Variants in NAA35 observed in about 807,000 individuals in gnomAD.
NAA35 encodes MAK10 homolog, amino-acid N-acetyltransferase subunit.
Under a neutral mutation model 101.7 loss-of-function variants are expected in NAA35, and 18 were observed. The observed-to-expected ratio is 0.18, with a 90% CI of 0.12 to 0.26. The LOEUF (loss-of-function observed/expected upper bound fraction) is 0.26. Ranked by LOEUF, NAA35 falls within the 10% of genes least tolerant of loss-of-function variation. The pLI is 1.00. For missense variants in NAA35, 601 were observed against 886.8 expected (o/e 0.68, Z 4.09); for synonymous variants, 267 against 273.1 (o/e 0.98, Z 0.22).
At chr9:85,990,813 T>G (rs899243438) in intron 11 of NAA35, among the ~76,000 whole-genome samples, 1 of 152,136 alleles carries the variant, frequency 6.6e-6, no homozygotes, top group Non-Finnish European at 1.5e-5. Flanking sequence ...GTTGTAACCA[T>G]GTGGGTAGGT....
At chr9:85,986,517 G>A (rs1253672323) in intron 11 of NAA35, 2 of 460,542 alleles carry the variant, frequency 4.3e-6, no homozygotes, top group South Asian at 3.1e-5. Flanking sequence ...CAGAGATAAT[G>A]TGTAAAACTG....
At position 85,962,036 on chromosome 9, in the gene NAA35, A is replaced by G. The variant is rs1249323860; in HGVS notation, c.372A>G (p.Ser124=). The stretch of plus-strand genomic sequence containing the variant: ...AGATAACGTGGTTAGAAGGCCATTC[A>G]CTGGCACAGACAGTATTTACGTGCC... The part of the protein sequence containing the change: ...CCLITWLEGH[S]LAQTVFTCLY... Residue 124 remains serine, a synonymous_variant, in exon 6 of 23, where the codon TCA becomes TCG. Coordinates refer to ENST00000361671, the MANE Select transcript of NAA35 (RefSeq NM_024635.4). 1 of 1,609,470 alleles carries G rather than the reference A, an allele frequency of 6.2e-7. No individual in the cohort carries two copies. The highest frequency in any genetic ancestry group is 1.1e-5 in the South Asian group (1 of 89,970).
At position 86,020,859 on chromosome 9, in the gene NAA35, T is replaced by C. The variant is rs765950328; in HGVS notation, c.2038-30T>C. On this transcript the variant is annotated intron_variant, in intron 21 of 22. Transcript: ENST00000361671. ...AGAGAAATTTTGACTATGAAGTTAA[T>C]GTTTCAGTAGTTTTATGTTCATGTT... 7.2e-6 allele frequency: 11 copies of C among 1,532,514 alleles called. No homozygotes were observed. In the East Asian group the frequency reaches 2.3e-4, roughly 31 times the overall value. The allele number at this position is 1,532,514 out of a possible 1,614,324, so 94.9% of individuals were successfully genotyped here. A position where few individuals can be genotyped will look rare whatever the true frequency, so the allele number is the denominator to read the frequency against.
In NAA35 at chr9:85,982,379, G is replaced by A. The variant is rs11141167; in HGVS notation, c.877+3998G>A. 6.4e-3 allele frequency among the ~76,000 whole-genome samples: 970 copies of A among 152,240 alleles called. 5 individuals carry two copies. The highest frequency in any genetic ancestry group is 0.011 in the Non-Finnish European group (740 of 68,000). On this transcript the variant is annotated intron_variant, in intron 11 of 22. Transcript: ENST00000361671. Reference sequence around the variant, plus strand: ...GAAACTGATGTTTTTCTTTGTTTTTGCTTATGCTGTCTTGAATTTTACAGT... The same window carrying A: ...GAAACTGATGTTTTTCTTTGTTTTTACTTATGCTGTCTTGAATTTTACAGT...
At chr9:86,018,877 T>TTAC in intron 21 of NAA35, 56 bp downstream of exon 21, 1 of 1,584,042 alleles carries the variant, frequency 6.3e-7, no homozygotes, top group Non-Finnish European at 8.6e-7. Flanking sequence ...AATACATCTC[T>TTAC]TACTGCTGGA....
intron 17 of NAA35, 53 bp from the exon 18 acceptor site, chr9:86,016,486 A>T: frequency 6.6e-7 from 1 of 1,522,624 alleles, no homozygotes; most frequent in South Asian, 1.2e-5. Flanking sequence ...ATGTGTTGAT[A>T]AAGCTGTCTC....
At position 85,943,046 on chromosome 9, in the gene NAA35, T is replaced by C. The variant is rs541428396; in HGVS notation, c.124+763T>C. Among the ~76,000 whole-genome samples, 3 of 152,324 alleles carry C rather than the reference T, an allele frequency of 2.0e-5. No homozygotes were observed. The South Asian group carries it at 6.2e-4, about 32-fold the overall frequency. The stretch of plus-strand genomic sequence containing the variant: ...CTTGTTTATTTTCAGTCTCACTCAC[T>C]GGAATATAAGCTCCGTGGGGGCAGA... On this transcript the variant is annotated intron_variant, in intron 2 of 22. Coordinates refer to ENST00000361671, the MANE Select transcript of NAA35 (RefSeq NM_024635.4).
At chr9:85,961,357 C>T (rs561061424) in intron 5 of NAA35, among the ~76,000 whole-genome samples, 81 of 152,206 alleles carry the variant, frequency 5.3e-4, no homozygotes, top group South Asian at 4.1e-3. Context: ...AAAAATACCA[C>T]CTTTCTCAAA....
At chr9:85,961,256 A>T (rs1335645400) in intron 5 of NAA35, among the ~76,000 whole-genome samples, 2 of 152,212 alleles carry the variant, frequency 1.3e-5, no homozygotes, top group Non-Finnish European at 2.9e-5. Context: ...GTCTTACTCT[A>T]CTGCAGAATT....
intron 6 of NAA35, among the ~76,000 whole-genome samples, chr9:85,974,277 G>C (rs1412891929): frequency 6.6e-6 from 1 of 152,016 alleles, no homozygotes; most frequent in African/African-American, 2.4e-5. Flanking sequence ...TGTTTTTATA[G>C]GAATTATAGT....
chr9:85,946,297 A>G (rs1169147373), intron 2 of NAA35, among the ~76,000 whole-genome samples: 2 of 152,144 alleles, frequency 1.3e-5, no homozygotes, highest in Non-Finnish European at 2.9e-5. Context: ...GGCAAGTGCT[A>G]TGCCTGGCTT....
chr9:86,013,629 A>G (rs983983190), intron 16 of NAA35, 90 bp from the exon 17 acceptor site: 7 of 1,220,718 alleles, frequency 5.7e-6, no homozygotes, highest in Non-Finnish European at 8.0e-6. Flanking sequence ...TTTTCTGCTC[A>G]TATTCTTTTT....
chr9:85,945,663 C>G (rs527658355), intron 2 of NAA35, among the ~76,000 whole-genome samples: 1 of 151,982 alleles, frequency 6.6e-6, no homozygotes, highest in Non-Finnish European at 1.5e-5. Flanking sequence ...GGACTACAGG[C>G]GCCCGTCACC....
chr9:86,016,228 T>C (rs1006720310), intron 17 of NAA35, among the ~76,000 whole-genome samples: 1 of 152,148 alleles, frequency 6.6e-6, no homozygotes, highest in African/African-American at 2.4e-5. Flanking sequence ...TTTTATTTGC[T>C]TTGTGATTAA....
intron 2 of NAA35, among the ~76,000 whole-genome samples, chr9:85,952,436 C>A (rs1020205817): frequency 6.6e-6 from 1 of 151,910 alleles, no homozygotes; most frequent in Admixed American, 6.6e-5. Context: ...CAGGCGCACA[C>A]CACCATGCCA....
chr9:85,968,720 T>C (rs926161326), intron 6 of NAA35, among the ~76,000 whole-genome samples: 2 of 152,194 alleles, frequency 1.3e-5, no homozygotes, highest in Non-Finnish European at 2.9e-5. Context: ...TTACTAACTT[T>C]AGCTTTGATA....
chr9:85,947,015 G>A lies in NAA35; in HGVS notation c.124+4732G>A, dbSNP rs150177521. ...TTGTAGGTGCTCAATATATATATTT[G>A]TTTTAAGAATGAATGAATTTTCTAA... On this transcript the variant is annotated intron_variant, in intron 2 of 22. Transcript: ENST00000361671. Among the ~76,000 whole-genome samples, 453 of 152,102 alleles carry A rather than the reference G, an allele frequency of 3.0e-3. 5 individuals carry two copies. In the South Asian group the frequency reaches 0.033, roughly 11 times the overall value.
intron 15 of NAA35, 47 bp downstream of exon 15, chr9:86,009,978 T>C (rs977424467): frequency 1.5e-5 from 22 of 1,515,358 alleles, no homozygotes; most frequent in Middle Eastern, 1.7e-4. Flanking sequence ...TTAAAAATCA[T>C]GGGCTGTGGC....
chr9:85,988,923 G>T lies in NAA35; in HGVS notation c.878-7476G>T, dbSNP rs1830775184. Among the ~76,000 whole-genome samples the T allele has an allele frequency of 2.6e-5, 4 of 152,122 alleles. No homozygotes were observed. In the South Asian group the frequency reaches 8.3e-4, roughly 32 times the overall value. On this transcript the variant is annotated intron_variant, in intron 11 of 22. Transcript: ENST00000361671. The stretch of plus-strand genomic sequence containing the variant: ...AGAAGTCTCAGTATACATATGATTG[G>T]CGTCCCTTAAGATGTGAACAGTATA...
Sources: gnomAD v4.1 joint callset for allele counts (sites outside exome capture counted in the v4.1 genomes callset) on GRCh38, gnomAD v4.1.1 for gene constraint, MANE v1.5 for transcripts, NCBI Gene and HGNC (gene_info 2026-07-23, HGNC 2026-07-21) for gene names.